Variants in NFIL3 observed in about 807,000 individuals in gnomAD.
NFIL3 encodes the protein nuclear factor, interleukin 3 regulated, also known as nuclear factor interleukin-3-regulated protein.
In NFIL3, 5 loss-of-function variants were observed where a neutral mutation model predicts 10.0. The observed-to-expected ratio is 0.50, with a 90% CI of 0.26 to 1.06. The LOEUF (loss-of-function observed/expected upper bound fraction) is 1.06. NFIL3 is among the 50% of genes least tolerant of loss of function. The pLI is 0.13. For synonymous variants in NFIL3, 202 were observed against 206.5 expected (o/e 0.98, Z 0.19); for missense variants, 436 against 547.6 (o/e 0.80, Z 2.03).
chr9:91,449,997 T>C, the NFIL3 span, among the ~76,000 whole-genome samples: 3 of 152,136 alleles, frequency 2.0e-5, no homozygotes, highest in African/African-American at 7.2e-5. Context: ...CATACAATTG[T>C]TCATACTATT....
At position 91,410,753 on chromosome 9, in the gene NFIL3, A is replaced by G. The variant is rs1289630290; in HGVS notation, c.-19T>C. 2 of 1,556,026 alleles carry G rather than the reference A, an allele frequency of 1.3e-6. No individual in the cohort carries two copies. Among genetic ancestry groups the G allele is most frequent in the East Asian group, 2.2e-5 (1 of 44,510 alleles). The stretch of plus-strand genomic sequence containing the variant: ...GCTGCATCAGAAACAACCTTACCCT[A>G]TCTATGTGTGTAGGAGAACAAATTA... On this transcript the variant is annotated 5_prime_UTR_variant, in exon 2 of 2. Transcript: ENST00000297689. The surrounding 1 kb of genome is among the most constrained non-coding windows in gnomAD (Gnocchi z 5.7).
At chr9:91,436,619 C>A in the NFIL3 span, among the ~76,000 whole-genome samples, 5 of 143,110 alleles carry the variant, frequency 3.5e-5, no homozygotes, top group South Asian at 2.2e-4. Flanking sequence ...ACAACAACAA[C>A]AAAGAGTTGA....
the NFIL3 span, among the ~76,000 whole-genome samples, chr9:91,455,361 C>A: frequency 6.6e-6 from 1 of 152,050 alleles, no homozygotes; most frequent in South Asian, 2.1e-4. Flanking sequence ...TGTAGTTATT[C>A]TGTAAGGAAA....
the NFIL3 span, among the ~76,000 whole-genome samples, chr9:91,473,351 G>A: frequency 6.6e-6 from 1 of 152,224 alleles, no homozygotes; most frequent in Admixed American, 6.5e-5. Context: ...TTGAGCTGTG[G>A]TGGGCTCCAC....
rs149592441 is a variant in NFIL3 at position 91,410,921 on chromosome 9, T to TA, written c.-172-16dup. On this transcript the variant is annotated splice_polypyrimidine_tract_variant and intron_variant, in intron 1 of 1. Coordinates refer to ENST00000297689, the MANE Select transcript of NFIL3 (RefSeq NM_005384.3). This position sits in a 1 kb window ranked among gnomAD's most constrained non-coding sequence, Gnocchi z 5.7. The stretch of plus-strand genomic sequence containing the variant: ...TCCTTCGTTATCTGCAATACATGAA[T>TA]AAAAAAAAAACCAGTTATTCACTGG... 3,649 of 436,538 alleles carry TA rather than the reference T, an allele frequency of 8.4e-3. No homozygotes were observed. Among genetic ancestry groups the TA allele is most frequent in the South Asian group, 0.022 (466 of 21,016 alleles). 27.0% of individuals were successfully genotyped at this position (436,538 alleles called of 1,614,324 possible).
the NFIL3 span, among the ~76,000 whole-genome samples, chr9:91,432,863 T>C: frequency 6.6e-6 from 1 of 152,204 alleles, no homozygotes; most frequent in African/African-American, 2.4e-5. Context: ...GAAAACATTT[T>C]GAACTGCAGA....
At chr9:91,452,544 G>A in the NFIL3 span, among the ~76,000 whole-genome samples, 1 of 152,132 alleles carries the variant, frequency 6.6e-6, no homozygotes, top group Admixed American at 6.5e-5. Context: ...GGAGGCTGAG[G>A]TGGGCAGATC....
At chr9:91,436,471 C>G in the NFIL3 span, among the ~76,000 whole-genome samples, 1 of 151,866 alleles carries the variant, frequency 6.6e-6, no homozygotes, top group Non-Finnish European at 1.5e-5. Context: ...TCAGCTACTC[C>G]GGAGGCTGAG....
At chr9:91,457,357 G>A in the NFIL3 span, among the ~76,000 whole-genome samples, 1 of 151,850 alleles carries the variant, frequency 6.6e-6, no homozygotes, top group Non-Finnish European at 1.5e-5. Context: ...GTAAACACTT[G>A]TTATCTCTGC....
chr9:91,436,129 A>G, the NFIL3 span, among the ~76,000 whole-genome samples: 4 of 152,238 alleles, frequency 2.6e-5, no homozygotes, highest in Non-Finnish European at 4.4e-5. Flanking sequence ...TCTCTGCTGT[A>G]GGACAGAGAA....
intron 1 of NFIL3, among the ~76,000 whole-genome samples, chr9:91,423,127 C>T (rs1215987594): frequency 1.3e-5 from 2 of 152,184 alleles, no homozygotes; most frequent in East Asian, 1.9e-4. Flanking sequence ...CAGGCATTCT[C>T]CGAATGCCGT....
intron 1 of NFIL3, among the ~76,000 whole-genome samples, chr9:91,412,848 G>C (rs1255627779): frequency 7.4e-6 from 1 of 135,316 alleles, no homozygotes; most frequent in East Asian, 2.1e-4. Flanking sequence ...GCGAGACTTC[G>C]TCTCAAAAAA....
At chr9:91,415,680 T>A (rs1833641131) in intron 1 of NFIL3, among the ~76,000 whole-genome samples, 1 of 151,642 alleles carries the variant, frequency 6.6e-6, no homozygotes, top group South Asian at 2.1e-4. Context: ...CAGGCTGGAG[T>A]GCAATGGCGC....
the NFIL3 span, among the ~76,000 whole-genome samples, chr9:91,470,418 C>CTTTTCTTCTT: frequency 3.3e-5 from 4 of 119,654 alleles, no homozygotes; most frequent in Admixed American, 8.6e-5. Flanking sequence ...TGATTCTTCT[C>CTTTTCTTCTT]TATTAGTCTT....
chr9:91,470,311 A>G, the NFIL3 span, among the ~76,000 whole-genome samples: 3 of 150,940 alleles, frequency 2.0e-5, no homozygotes, highest in Non-Finnish European at 4.4e-5. Flanking sequence ...TTTCTAGTTT[A>G]TTTGCATAGA....
the NFIL3 span, among the ~76,000 whole-genome samples, chr9:91,473,254 C>G: frequency 2.6e-5 from 4 of 152,354 alleles, no homozygotes; most frequent in African/African-American, 9.6e-5. Flanking sequence ...CAGACACAGC[C>G]ATTTAAGTCT....
the NFIL3 span, among the ~76,000 whole-genome samples, chr9:91,464,935 C>G: frequency 1.3e-5 from 2 of 152,012 alleles, no homozygotes; most frequent in African/African-American, 4.8e-5. Context: ...TATTTTTCCT[C>G]TGTCTTCTTT....
the NFIL3 span, among the ~76,000 whole-genome samples, chr9:91,439,313 A>G: frequency 6.6e-6 from 1 of 152,006 alleles, no homozygotes; most frequent in Non-Finnish European, 1.5e-5. Context: ...CAGCTAGGTT[A>G]TTATTCTGTG....
intron 1 of NFIL3, among the ~76,000 whole-genome samples, chr9:91,415,623 CTT>C (rs994764308): frequency 2.8e-5 from 4 of 142,742 alleles, no homozygotes. Flanking sequence ...ACTACTTCTT[CTT>C]TTTTTTTTTT....
Sources: allele counts gnomAD v4.1 joint callset (sites outside exome capture counted in the v4.1 genomes callset), GRCh38; gene constraint gnomAD v4.1.1; non-coding constraint Gnocchi (gnomAD v3.1); transcripts MANE v1.5; gene names NCBI Gene and HGNC (gene_info 2026-07-23, HGNC 2026-07-21).